Variants in TTC28 observed in about 807,000 individuals in gnomAD.
TTC28 encodes tetratricopeptide repeat domain 28, also known as tetratricopeptide repeat protein 28.
A neutral mutation model predicts 198.0 loss-of-function variants in TTC28; 61 were observed. That is an observed-to-expected ratio of 0.31 (90% CI 0.25 to 0.38). TTC28 has a LOEUF of 0.38. Among genes scored for constraint, TTC28 ranks in the 10% least tolerant of loss-of-function variants. TTC28 has a pLI of 1.00. For synonymous variants in TTC28, 1,171 were observed against 1,297.8 expected (o/e 0.90, Z 2.10); for missense variants, 2,678 against 3,164.0 (o/e 0.85, Z 3.69).
At chr22:28,456,625 G>C (rs1041279694) in intron 2 of TTC28, among the ~76,000 whole-genome samples, 2 of 152,030 alleles carry the variant, frequency 1.3e-5, no homozygotes, top group Admixed American at 6.5e-5. Flanking sequence ...CTCCGGTTTG[G>C]AGTGCAGTGG....
At chr22:28,166,585 C>T (rs1442735149) in intron 5 of TTC28, among the ~76,000 whole-genome samples, 2 of 152,098 alleles carry the variant, frequency 1.3e-5, no homozygotes, top group Non-Finnish European at 2.9e-5. Context: ...GGGTACATAA[C>T]GAAATGAAGG....
At chr22:28,184,435 G>T (rs1285379652) in intron 5 of TTC28, among the ~76,000 whole-genome samples, 2 of 151,988 alleles carry the variant, frequency 1.3e-5, no homozygotes, top group Non-Finnish European at 2.9e-5. Flanking sequence ...GAAATTATTT[G>T]GGCATGCAAG....
At chr22:28,516,930 TAATA>T (rs1275600657) in intron 2 of TTC28, among the ~76,000 whole-genome samples, 1 of 152,190 alleles carries the variant, frequency 6.6e-6, no homozygotes, top group East Asian at 1.9e-4. Flanking sequence ...CGAAAGTATG[TAATA>T]AATAAATGAT....
At chr22:28,433,809 G>GA (rs35863111) in intron 2 of TTC28, among the ~76,000 whole-genome samples, 2 of 151,560 alleles carry the variant, frequency 1.3e-5, no homozygotes, top group Admixed American at 6.6e-5. Context: ...GTTACTGGGG[G>GA]AAAAAAAAGG....
At chr22:28,564,301 TAA>T (rs1434581557) in intron 2 of TTC28, among the ~76,000 whole-genome samples, 1 of 152,212 alleles carries the variant, frequency 6.6e-6, no homozygotes, top group African/African-American at 2.4e-5. Context: ...TTCAATTATT[TAA>T]GTGTAAAATT....
At chr22:28,669,811 G>A (rs1003821902) in intron 1 of TTC28, among the ~76,000 whole-genome samples, 3 of 152,256 alleles carry the variant, frequency 2.0e-5, no homozygotes, top group African/African-American at 4.8e-5. Flanking sequence ...TTTAGGAGAT[G>A]TAAGAGAGTC....
chr22:28,156,854 G>C (rs1478316654), intron 6 of TTC28, among the ~76,000 whole-genome samples: 1 of 152,004 alleles, frequency 6.6e-6, no homozygotes, highest in Non-Finnish European at 1.5e-5. Flanking sequence ...CAAAAAGGAA[G>C]AAAAACTTCA....
intron 2 of TTC28, among the ~76,000 whole-genome samples, chr22:28,515,470 T>C (rs932669789): frequency 1.3e-5 from 2 of 152,226 alleles, no homozygotes; most frequent in East Asian, 1.9e-4. Flanking sequence ...TTAAAAGATA[T>C]TGCAGAAAGG....
chr22:28,426,736 T>TC (rs1343923911), intron 2 of TTC28, among the ~76,000 whole-genome samples: 1 of 152,142 alleles, frequency 6.6e-6, no homozygotes, highest in East Asian at 1.9e-4. Flanking sequence ...TTCCTTGACC[T>TC]CCCCTCTAAT....
At chr22:27,989,815 GA>G (rs1424161086) in intron 21 of TTC28, 62 bp downstream of exon 21, 2 of 1,516,226 alleles carry the variant, frequency 1.3e-6, no homozygotes, top group Admixed American at 4.2e-5. Context: ...AAACCAGGAG[GA>G]AAAACAGAGA....
At chr22:28,029,017 G>T (rs1311906429) in intron 13 of TTC28, 2 of 471,166 alleles carry the variant, frequency 4.2e-6, no homozygotes, top group Non-Finnish European at 8.8e-6. Flanking sequence ...GCATCACCTG[G>T]TGGAGGTAAG....
At chr22:28,334,341 T>A (rs548916901) in intron 2 of TTC28, among the ~76,000 whole-genome samples, 216 of 151,964 alleles carry the variant, frequency 1.4e-3, no homozygotes, top group South Asian at 6.9e-3. Flanking sequence ...TAGCAGCATG[T>A]TTTATAATCC....
At chr22:28,430,567 T>C (rs2047415792) in intron 2 of TTC28, among the ~76,000 whole-genome samples, 1 of 152,120 alleles carries the variant, frequency 6.6e-6, no homozygotes, top group Non-Finnish European at 1.5e-5. Flanking sequence ...ACTAGTCAAA[T>C]GTGGGCTTAT....
chr22:28,024,570 C>T (rs538393116), intron 13 of TTC28, among the ~76,000 whole-genome samples: 5 of 152,286 alleles, frequency 3.3e-5, no homozygotes, highest in Non-Finnish European at 7.4e-5. Context: ...GGGGGGACAG[C>T]GATGACCATC....
At chr22:28,436,377 A>C (rs1463316898) in intron 2 of TTC28, among the ~76,000 whole-genome samples, 1 of 152,244 alleles carries the variant, frequency 6.6e-6, no homozygotes, top group Non-Finnish European at 1.5e-5. Flanking sequence ...ACATACTGAC[A>C]GCTTCAGTAC....
intron 20 of TTC28, 126 bp downstream of exon 20, chr22:27,990,663 C>T: frequency 1.1e-6 from 1 of 886,844 alleles, no homozygotes; most frequent in Middle Eastern, 3.4e-4. Context: ...CGCGGGGGCG[C>T]CGCAGCCCGT....
intron 2 of TTC28, among the ~76,000 whole-genome samples, chr22:28,352,710 T>C (rs1292216256): frequency 6.6e-6 from 1 of 151,852 alleles, no homozygotes; most frequent in Non-Finnish European, 1.5e-5. Context: ...AAACCAAGAG[T>C]TACCAAGGTC....
At chr22:28,335,098 T>C (rs1164396230) in intron 2 of TTC28, among the ~76,000 whole-genome samples, 1 of 152,164 alleles carries the variant, frequency 6.6e-6, no homozygotes, top group African/African-American at 2.4e-5. Flanking sequence ...CCAGCACCAT[T>C]TATTAAATAG....
Position 28,625,390 on chromosome 22 carries a change from C to T in TTC28, c.381+4162G>A, listed in dbSNP as rs2051063356. Reference sequence around the variant, plus strand: ...CACATGACACAAAGTACAGAAAATACATTGTATTTCTATAGATTCTCAATA... The same window carrying T: ...CACATGACACAAAGTACAGAAAATATATTGTATTTCTATAGATTCTCAATA... On this transcript the variant is annotated intron_variant, in intron 2 of 22. Transcript: ENST00000397906. Among the ~76,000 whole-genome samples the T allele has an allele frequency of 2.0e-5, 3 of 152,086 alleles. No individual in the cohort carries two copies. In the South Asian group the frequency reaches 6.2e-4, roughly 32 times the overall value.
Sources: gnomAD v4.1 joint callset for allele counts (sites outside exome capture counted in the v4.1 genomes callset) on GRCh38, gnomAD v4.1.1 for gene constraint, MANE v1.5 for transcripts, NCBI Gene and HGNC (gene_info 2026-07-23, HGNC 2026-07-21) for gene names.